The following PUM2 variants were observed in gnomAD, a reference collection of about 807,000 sequenced individuals.
The protein encoded by PUM2 is pumilio homolog 2.
A neutral mutation model predicts 124.5 loss-of-function variants in PUM2; 57 were observed. The observed-to-expected ratio is 0.46, with a 90% CI of 0.37 to 0.57. The LOEUF is 0.57. PUM2 is among the 20% of genes least tolerant of loss of function. The probability of loss-of-function intolerance (pLI) is 0.00; values close to 1 mark genes in which losing one functional copy is unlikely to be tolerated. For synonymous variants in PUM2, 460 were observed against 446.1 expected (o/e 1.03, Z -0.39); for missense variants, 1,065 against 1,290.6 (o/e 0.83, Z 2.68).
At chr2:20,288,258 T>A (rs1049873259) in intron 10 of PUM2, among the ~76,000 whole-genome samples, 1 of 151,968 alleles carries the variant, frequency 6.6e-6, no homozygotes, top group Admixed American at 6.6e-5. Flanking sequence ...AAAAAAGCAA[T>A]GAGAGGTGAA....
chr2:20,315,274 T>C (rs1680616222), intron 3 of PUM2, among the ~76,000 whole-genome samples: 1 of 152,112 alleles, frequency 6.6e-6, no homozygotes, highest in African/African-American at 2.4e-5. Flanking sequence ...ACCGGCATGT[T>C]CAAATGCCAA....
intron 9 of PUM2, among the ~76,000 whole-genome samples, chr2:20,293,448 C>G (rs1279696277): frequency 6.6e-6 from 1 of 152,184 alleles, no homozygotes; most frequent in Non-Finnish European, 1.5e-5. Context: ...GTGGCTCACG[C>G]CTATAATTCC....
chr2:20,351,945 G>A (rs1379806063), upstream of PUM2, among the ~76,000 whole-genome samples: 1 of 151,936 alleles, frequency 6.6e-6, no homozygotes, highest in Non-Finnish European at 1.5e-5. Context: ...TCCATCCCAA[G>A]CCCCTACCTT....
intron 12 of PUM2, among the ~76,000 whole-genome samples, chr2:20,281,079 G>A (rs565164935): frequency 3.3e-5 from 5 of 152,020 alleles, no homozygotes; most frequent in Non-Finnish European, 5.9e-5. Flanking sequence ...ATGTGAAAAG[G>A]CAGTGTGCAA....
chr2:20,288,553 A>G (rs1673252283), intron 10 of PUM2, among the ~76,000 whole-genome samples: 1 of 152,180 alleles, frequency 6.6e-6, no homozygotes, highest in South Asian at 2.1e-4. Flanking sequence ...GTTGAAAGGA[A>G]GGATTGGGAG....
At chr2:20,259,611 C>T (rs941863073) in intron 15 of PUM2, among the ~76,000 whole-genome samples, 2 of 152,174 alleles carry the variant, frequency 1.3e-5, no homozygotes, top group Non-Finnish European at 2.9e-5. Flanking sequence ...TGTATCAGAA[C>T]GTCATTCCTT....
At chr2:20,324,335 T>A (rs1683152096) in intron 2 of PUM2, among the ~76,000 whole-genome samples, 1 of 152,210 alleles carries the variant, frequency 6.6e-6, no homozygotes, top group Non-Finnish European at 1.5e-5. Flanking sequence ...CTTTCTTTAA[T>A]GCTTTCTTTA....
At chr2:20,324,900 C>A (rs1177509956) in intron 2 of PUM2, among the ~76,000 whole-genome samples, 2 of 144,964 alleles carry the variant, frequency 1.4e-5, no homozygotes, top group African/African-American at 5.1e-5. Context: ...TAAAGAAAGT[C>A]AAGACAAGGG....
At chr2:20,339,365 T>C (rs1445061789) in intron 1 of PUM2, among the ~76,000 whole-genome samples, 10 of 150,860 alleles carry the variant, frequency 6.6e-5, no homozygotes, top group Non-Finnish European at 1.5e-4. Context: ...AAAAGTACAA[T>C]AAAACATCTA....
At chr2:20,292,029 T>C (rs1674229186) in intron 9 of PUM2, among the ~76,000 whole-genome samples, 2 of 151,066 alleles carry the variant, frequency 1.3e-5, no homozygotes, top group South Asian at 2.1e-4. Flanking sequence ...GGCATGTTCA[T>C]TGCCTGGTAC....
At chr2:20,263,108 A>G in intron 14 of PUM2, 85 bp downstream of exon 14, 2 of 1,327,950 alleles carry the variant, frequency 1.5e-6, no homozygotes, top group Non-Finnish European at 2.1e-6. Context: ...ACTTTAATGC[A>G]GACTAAAGTC....
At chr2:20,306,217 A>C (rs1420658891) in intron 7 of PUM2, among the ~76,000 whole-genome samples, 1 of 152,124 alleles carries the variant, frequency 6.6e-6, no homozygotes, top group Non-Finnish European at 1.5e-5. Flanking sequence ...AAGAAACAAC[A>C]ACAAAAACAA....
At chr2:20,308,724 A>AAATAGCGAAATGGGAAAATAGAAAAAT in intron 5 of PUM2, 140 bp from the exon 6 acceptor site, 1 of 757,618 alleles carries the variant, frequency 1.3e-6, no homozygotes, top group Non-Finnish European at 2.0e-6. Context: ...CCACCTTATC[A>AAATAGCGAAATGGGAAAATAGAAAAAT]CATTTTTTTC....
intron 1 of PUM2, among the ~76,000 whole-genome samples, chr2:20,334,816 G>C (rs187246500): frequency 5.6e-4 from 86 of 152,304 alleles, no homozygotes; most frequent in African/African-American, 2.1e-3. Context: ...ACAGCCTGGA[G>C]ACTGTACCTT....
In PUM2 at chr2:20,296,050, T is replaced by C. The variant is rs115860588; in HGVS notation, c.1009+1503A>G. ...CAACACTTTACATAGTAACATCCAG[T>C]TAAATGGCACCAGAAAAGCTCACAT... On this transcript the variant is annotated intron_variant, in intron 8 of 20. Transcript: ENST00000361078. Among the ~76,000 whole-genome samples, 1,078 of 152,290 alleles carry C rather than the reference T, an allele frequency of 7.1e-3. 18 individuals carry two copies. The highest frequency in any genetic ancestry group is 0.025 in the African/African-American group (1,040 of 41,544).
At chr2:20,343,173 A>T (rs1401525844) in intron 1 of PUM2, among the ~76,000 whole-genome samples, 1 of 152,200 alleles carries the variant, frequency 6.6e-6, no homozygotes, top group East Asian at 1.9e-4. Context: ...AACTTACTTT[A>T]TTCACTTAAG....
intron 3 of PUM2, among the ~76,000 whole-genome samples, chr2:20,316,330 T>C (rs1300354596): frequency 2.6e-5 from 4 of 152,120 alleles, no homozygotes. Context: ...AAATTAAACA[T>C]TATATAGAAG....
chr2:20,279,530 G>A (rs1275732233), intron 12 of PUM2, among the ~76,000 whole-genome samples: 1 of 152,134 alleles, frequency 6.6e-6, no homozygotes, highest in Non-Finnish European at 1.5e-5. Context: ...TAAGATGCTA[G>A]TACTACTGCC....
At chr2:20,253,471 G>A (rs1663971944) in intron 20 of PUM2, among the ~76,000 whole-genome samples, 1 of 152,004 alleles carries the variant, frequency 6.6e-6, no homozygotes. Flanking sequence ...CAAGTAGCTG[G>A]GACTAAAGGG....
Sources: allele counts gnomAD v4.1 joint callset (sites outside exome capture counted in the v4.1 genomes callset), GRCh38; gene constraint gnomAD v4.1.1; transcripts MANE v1.5; gene names NCBI Gene and HGNC (gene_info 2026-07-23, HGNC 2026-07-21).